The following SCN2A variants were observed in gnomAD, a reference collection of about 807,000 sequenced individuals.
SCN2A encodes sodium channel protein type 2 subunit alpha.
Under a neutral mutation model 188.7 loss-of-function variants are expected in SCN2A, and 20 were observed. That is an observed-to-expected ratio of 0.11 (90% CI 0.07 to 0.15). SCN2A has a LOEUF of 0.15. Ranked by LOEUF, SCN2A falls within the 10% of genes least tolerant of loss-of-function variation. The probability of loss-of-function intolerance (pLI) is 1.00; values close to 1 mark genes in which losing one functional copy is unlikely to be tolerated. For missense variants in SCN2A, 1,278 were observed against 2,445.0 expected (o/e 0.52, Z 10.07); for synonymous variants, 804 against 833.1 (o/e 0.97, Z 0.60).
intron 1 of SCN2A, among the ~76,000 whole-genome samples, chr2:165,265,491 A>ATATG (rs1694811219): frequency 8.5e-6 from 1 of 117,588 alleles, no homozygotes; most frequent in African/African-American, 3.1e-5. Flanking sequence ...ATATATATAT[A>ATATG]TATATATATA....
intron 3 of SCN2A, among the ~76,000 whole-genome samples, chr2:165,299,228 A>T (rs1696664634): frequency 6.6e-6 from 1 of 152,108 alleles, no homozygotes; most frequent in Non-Finnish European, 1.5e-5. Context: ...AGTACTAAGG[A>T]CACAGTTTGT....
intron 15 of SCN2A, among the ~76,000 whole-genome samples, chr2:165,343,566 T>G (rs1699422938): frequency 6.6e-6 from 1 of 152,228 alleles, no homozygotes; most frequent in African/African-American, 2.4e-5. Context: ...TGGAATAAAT[T>G]AAATACTTTG....
At position 165,312,461 on chromosome 2, in the gene SCN2A, A is replaced by T. The variant is rs1270974133; in HGVS notation, c.1034+373A>T. On this transcript the variant is annotated intron_variant, in intron 8 of 26. Transcript: ENST00000375437. ...TTAAAATGTAAGATCTCTGAAAATA[A>T]TGTTAATATCTGAGACATGGGGAGT... is the stretch of plus-strand genomic sequence containing the variant. Among the ~76,000 whole-genome samples, 3 of 152,140 alleles carry T rather than the reference A, an allele frequency of 2.0e-5. No homozygotes were observed. The East Asian group carries it at 5.8e-4, about 29-fold the overall frequency.
intron 3 of SCN2A, among the ~76,000 whole-genome samples, chr2:165,306,556 T>G (rs1248187573): frequency 6.7e-6 from 1 of 149,186 alleles, no homozygotes; most frequent in Non-Finnish European, 1.5e-5. Flanking sequence ...GTGTGTGTTC[T>G]CTAGATTATA....
chr2:165,249,013 G>A (rs1693978835), intron 1 of SCN2A, among the ~76,000 whole-genome samples: 1 of 152,060 alleles, frequency 6.6e-6, no homozygotes, highest in African/African-American at 2.4e-5. Flanking sequence ...AACCTTAAAT[G>A]ACAGTAAATG....
intron 2 of SCN2A, 159 bp from the exon 3 acceptor site, chr2:165,296,858 G>GAAA: frequency 4.3e-6 from 2 of 465,984 alleles, no homozygotes; most frequent in Non-Finnish European, 3.9e-6. Flanking sequence ...ATAGTGCTCA[G>GAAA]AAAAAAAAAG....
chr2:165,382,332 G>C (rs1701646415), intron 25 of SCN2A, among the ~76,000 whole-genome samples: 1 of 152,020 alleles, frequency 6.6e-6, no homozygotes, highest in Non-Finnish European at 1.5e-5. Context: ...TGAAAAGAAA[G>C]ATTTTAGAGA....
chr2:165,321,068 A>G (rs192220254), intron 11 of SCN2A, among the ~76,000 whole-genome samples: 21 of 152,256 alleles, frequency 1.4e-4, no homozygotes, highest in Admixed American at 2.6e-4. Context: ...CTAAGTCACC[A>G]CTTGAATGCT....
At chr2:165,367,442 A>T (rs1700788259) in intron 19 of SCN2A, 71 bp downstream of exon 19, 2 of 1,487,852 alleles carry the variant, frequency 1.3e-6, no homozygotes, top group Admixed American at 3.4e-5. Context: ...ATCAACTCAT[A>T]TTACCCACTT....
Position 165,294,040 on chromosome 2 carries a change from A to ATT in SCN2A, c.-51-1721_-51-1720dup, listed in dbSNP as rs1553563950. 0.23 allele frequency: 142,174 copies of ATT among 620,274 alleles called. 6,683 individuals are homozygous for ATT. The highest frequency in any genetic ancestry group is 0.32 in the East Asian group (1,821 of 5,692). The allele number at this position is 620,274 out of a possible 1,614,324, so 38.4% of individuals were successfully genotyped here. A position where few individuals can be genotyped will look rare whatever the true frequency, so the allele number is the denominator to read the frequency against. On this transcript the variant is annotated intron_variant, in intron 1 of 26. Coordinates refer to ENST00000375437, the MANE Select transcript of SCN2A (RefSeq NM_001040142.2). ...AAAAAAAAAAAAAAAAAAAAAAAAGATTTTTTTTTTTTTAAAGCATGATGG... is the reference window on the plus strand; with the variant it reads ...AAAAAAAAAAAAAAAAAAAAAAAAGATTTTTTTTTTTTTTTAAAGCATGATGG...
chr2:165,278,738 G>T (rs899417956), intron 1 of SCN2A, among the ~76,000 whole-genome samples: 2 of 152,074 alleles, frequency 1.3e-5, no homozygotes, highest in African/African-American at 4.8e-5. Context: ...GGAGACCAGC[G>T]CTGGCAACAT....
chr2:165,257,487 A>G (rs575227152), intron 1 of SCN2A, among the ~76,000 whole-genome samples: 30 of 151,994 alleles, frequency 2.0e-4, no homozygotes, highest in Admixed American at 5.2e-4. Context: ...ATGGTATCTC[A>G]TTGTGGTTTT....
Position 165,388,976 on chromosome 2 carries a change from C to G in SCN2A, c.5170C>G (p.Leu1724Val). 6.2e-7 allele frequency: 1 copy of G among 1,614,110 alleles called. No individual in the cohort carries two copies. Among genetic ancestry groups the G allele is most frequent in the Non-Finnish European group, 8.5e-7 (1 of 1,180,006 alleles). The change falls in exon 27 of 27, where the codon CTT becomes GTT. Residue 1724 changes from leucine to valine, a missense_variant. Physicochemically the swap from Leu to Val is conservative, Grantham distance 32. Around this residue, in one of 17 missense-constraint regions of SCN2A, gnomAD observed 47 missense variants for 109.0 expected, o/e 0.43. Transcript: ENST00000375437. ...AGWDGLLAPI[L>V]NSGPPDCDPD... ...CTGGGATGGATTGCTAGCACCTATT[C>G]TTAATAGTGGACCTCCAGACTGTGA... is the stretch of plus-strand genomic sequence containing the variant.
chr2:165,378,796 A>G (rs1277431438), intron 23 of SCN2A, among the ~76,000 whole-genome samples: 1 of 151,846 alleles, frequency 6.6e-6, no homozygotes, highest in Non-Finnish European at 1.5e-5. Context: ...CCAGCACATT[A>G]CAAAAGATGA....
chr2:165,344,490 A>G, intron 15 of SCN2A, 65 bp from the exon 16 acceptor site: 1 of 1,002,420 alleles, frequency 1.0e-6, no homozygotes, highest in Non-Finnish European at 1.3e-6. Flanking sequence ...AAATAAAAAT[A>G]AAATAAAATT....
chr2:165,310,642 T>G (rs1330060133), intron 7 of SCN2A, 47 bp downstream of exon 7: 1 of 1,325,270 alleles, frequency 7.5e-7, no homozygotes, highest in Non-Finnish European at 1.0e-6. Flanking sequence ...TCTCTAAATA[T>G]TAAATATTAT....
chr2:165,354,044 A>T, intron 16 of SCN2A, 148 bp from the exon 17 acceptor site: 1 of 973,758 alleles, frequency 1.0e-6, no homozygotes, highest in Non-Finnish European at 1.6e-6. Context: ...TATTTCATTC[A>T]CTTTTTTTCA....
intron 11 of SCN2A, among the ~76,000 whole-genome samples, chr2:165,317,201 G>A (rs1369193207): frequency 1.3e-5 from 2 of 152,006 alleles, no homozygotes; most frequent in East Asian, 3.9e-4. Context: ...TTTAACATAG[G>A]ATCTTTAAAT....
intron 1 of SCN2A, among the ~76,000 whole-genome samples, chr2:165,241,964 G>A (rs915833827): frequency 2.6e-5 from 4 of 152,114 alleles, no homozygotes; most frequent in African/African-American, 9.7e-5. Flanking sequence ...TATAGGCATC[G>A]TATAGGGAAA....
Sources: allele counts gnomAD v4.1 joint callset (sites outside exome capture counted in the v4.1 genomes callset), GRCh38; gene constraint gnomAD v4.1.1; regional missense constraint gnomAD v4.1.1; transcripts MANE v1.5; gene names NCBI Gene and HGNC (gene_info 2026-07-23, HGNC 2026-07-21).